The following SRGAP1 variants were observed in gnomAD, a reference collection of about 807,000 sequenced individuals.
The protein encoded by SRGAP1 is SLIT-ROBO Rho GTPase activating protein 1.
SRGAP1 carries 43 observed loss-of-function variants against 121.9 expected under a neutral mutation model. That is an observed-to-expected ratio of 0.35 (90% CI 0.28 to 0.46). The LOEUF is 0.46. SRGAP1 is among the 20% of genes least tolerant of loss of function. The probability of loss-of-function intolerance (pLI) is 1.00; values close to 1 mark genes in which losing one functional copy is unlikely to be tolerated. For synonymous variants in SRGAP1, 447 were observed against 485.4 expected, an observed-to-expected ratio of 0.92 and a Z score of 1.04; for missense variants, 1,102 against 1,350.9, an observed-to-expected ratio of 0.82 and a Z score of 2.89.
intron 1 of SRGAP1, among the ~76,000 whole-genome samples, chr12:63,958,672 C>T (rs1362422484): frequency 6.6e-6 from 1 of 152,150 alleles, no homozygotes; most frequent in Non-Finnish European, 1.5e-5. Flanking sequence ...TGTGTTACTT[C>T]AGGCAAACTC....
intron 2 of SRGAP1, among the ~76,000 whole-genome samples, chr12:63,984,495 A>T (rs758280894): frequency 6.6e-6 from 1 of 152,176 alleles, no homozygotes; most frequent in South Asian, 2.1e-4. Flanking sequence ...AAAGACCTCA[A>T]ATTTTCTCTA....
chr12:63,984,686 G>A (rs1318552688), intron 2 of SRGAP1, among the ~76,000 whole-genome samples: 1 of 152,128 alleles, frequency 6.6e-6, no homozygotes, highest in Non-Finnish European at 1.5e-5. Flanking sequence ...ACACACATAA[G>A]ATGTTCTGCT....
intron 15 of SRGAP1, among the ~76,000 whole-genome samples, chr12:64,107,711 A>G (rs2036366832): frequency 6.6e-6 from 1 of 152,178 alleles, no homozygotes; most frequent in South Asian, 2.1e-4. Context: ...TGGACTGAGA[A>G]TTTTCAAGTA....
intron 4 of SRGAP1, among the ~76,000 whole-genome samples, chr12:64,033,750 G>A (rs529664200): frequency 6.6e-6 from 1 of 152,146 alleles, no homozygotes; most frequent in African/African-American, 2.4e-5. Flanking sequence ...GACTGGGTGC[G>A]ATGGCTCACG....
intron 1 of SRGAP1, among the ~76,000 whole-genome samples, chr12:63,877,532 A>C (rs1900067133): frequency 6.6e-6 from 1 of 152,258 alleles, no homozygotes; most frequent in Non-Finnish European, 1.5e-5. Context: ...GACTCATTCA[A>C]GCAAATAAAG....
chr12:63,938,862 A>G (rs552949805), intron 1 of SRGAP1, among the ~76,000 whole-genome samples: 2 of 151,720 alleles, frequency 1.3e-5, no homozygotes, highest in African/African-American at 2.4e-5. Flanking sequence ...CTTTTTTGAT[A>G]TGAAAATCTG....
rs2034514784 is a variant in SRGAP1 at position 64,020,458 on chromosome 12, C to T, written c.489+3446C>T. 2.0e-5 allele frequency among the ~76,000 whole-genome samples: 3 copies of T among 151,386 alleles called. No homozygotes were observed. The South Asian group carries it at 6.3e-4, about 32-fold the overall frequency. On this transcript the variant is annotated intron_variant, in intron 4 of 21. Transcript: ENST00000355086. Reference sequence around the variant, plus strand: ...TTTTGCCCAATCTTGCCTTTATTTGCTGGGAAAAAAAAAGAAAAAGGCCTC... The same window carrying T: ...TTTTGCCCAATCTTGCCTTTATTTGTTGGGAAAAAAAAAGAAAAAGGCCTC...
intron 4 of SRGAP1, chr12:64,039,090 A>G (rs748891224): frequency 3.9e-5 from 6 of 152,242 alleles, no homozygotes; most frequent in Non-Finnish European, 8.8e-5. Context: ...TTGTACTTGC[A>G]TTCATTATCT....
In SRGAP1 at chr12:64,128,001, G is replaced by A. The variant is rs746735391; in HGVS notation, c.2681G>A (p.Arg894Gln). The change falls in exon 21 of 22, where the codon CGG (arginine) becomes CAG (glutamine). Residue 894 changes from arginine (R) to glutamine (Q), a missense_variant. Coordinates refer to ENST00000355086, the MANE Select transcript of SRGAP1 (RefSeq NM_020762.4). Reference protein sequence around the residue: ...LGSPSLASHPRGLLQNRGLNN... With the variant: ...LGSPSLASHPQGLLQNRGLNN... ...TCCCCAAGCCTTGCCAGTCACCCCC[G>A]GGGCCTGCTGCAGAACCGTGGCCTC... 6.2e-6 allele frequency: 10 copies of A among 1,614,108 alleles called. No individual in the cohort carries two copies. Among genetic ancestry groups the A allele is most frequent in the African/African-American group, 1.3e-5 (1 of 75,026 alleles).
chr12:64,083,114 G>A (rs2035876841), intron 10 of SRGAP1, among the ~76,000 whole-genome samples: 1 of 152,190 alleles, frequency 6.6e-6, no homozygotes, highest in Non-Finnish European at 1.5e-5. Flanking sequence ...CTACATCAAA[G>A]GAGACCAGGA....
intron 10 of SRGAP1, among the ~76,000 whole-genome samples, chr12:64,082,455 T>TC (rs2035865126): frequency 6.6e-6 from 1 of 151,260 alleles, no homozygotes; most frequent in African/African-American, 2.4e-5. Context: ...GAATTTTCTT[T>TC]TTTTTTTTTT....
chr12:63,965,665 A>C (rs991647750), intron 1 of SRGAP1, among the ~76,000 whole-genome samples: 1 of 152,172 alleles, frequency 6.6e-6, no homozygotes, highest in Non-Finnish European at 1.5e-5. Context: ...TCATCTCTGC[A>C]AAAAATAAAT....
rs113410170 is a variant in SRGAP1 at position 63,968,494 on chromosome 12, G to C, written c.68-15453G>C. On this transcript the variant is annotated intron_variant, in intron 1 of 21. Coordinates refer to ENST00000355086, the MANE Select transcript of SRGAP1 (RefSeq NM_020762.4). The stretch of plus-strand genomic sequence containing the variant: ...AGCATGTGCCCCCCATGTAACCATG[G>C]TCATTACCGTCTCTTGTTACTTTAC... Among the ~76,000 whole-genome samples, 947 of 152,234 alleles carry C rather than the reference G, an allele frequency of 6.2e-3. 8 individuals carry two copies. The highest frequency in any genetic ancestry group is 0.022 in the African/African-American group (900 of 41,514).
intron 1 of SRGAP1, among the ~76,000 whole-genome samples, chr12:63,973,430 G>A (rs1166386742): frequency 6.6e-6 from 1 of 152,066 alleles, no homozygotes; most frequent in Admixed American, 6.5e-5. Flanking sequence ...ATCATACTTT[G>A]AACAAAATAC....
At chr12:64,008,020 C>G (rs2034138323) in intron 3 of SRGAP1, among the ~76,000 whole-genome samples, 1 of 152,154 alleles carries the variant, frequency 6.6e-6, no homozygotes, top group South Asian at 2.1e-4. Flanking sequence ...ATAATAGCAT[C>G]ATAATGACAA....
intron 6 of SRGAP1, among the ~76,000 whole-genome samples, chr12:64,048,794 A>T (rs905024343): frequency 6.6e-6 from 1 of 152,096 alleles, no homozygotes; most frequent in Non-Finnish European, 1.5e-5. Context: ...TGCCATTTGT[A>T]TGTCATCTTT....
At chr12:63,891,607 A>G (rs1391841042) in intron 1 of SRGAP1, among the ~76,000 whole-genome samples, 1 of 152,168 alleles carries the variant, frequency 6.6e-6, no homozygotes, top group Non-Finnish European at 1.5e-5. Context: ...GCTGATGGAA[A>G]CTATTGATGG....
intron 1 of SRGAP1, among the ~76,000 whole-genome samples, chr12:63,919,139 G>A (rs948834522): frequency 3.3e-5 from 5 of 152,014 alleles, no homozygotes; most frequent in African/African-American, 4.8e-5. Flanking sequence ...TGCAACCTCC[G>A]CCTCACGGAT....
intron 1 of SRGAP1, among the ~76,000 whole-genome samples, chr12:63,906,694 G>C (rs190561368): frequency 3.0e-4 from 46 of 152,214 alleles, no homozygotes; most frequent in African/African-American, 1.1e-3. Flanking sequence ...GTTAACAATT[G>C]TTACCAAGTA....
Sources: gnomAD v4.1 joint callset for allele counts (sites outside exome capture counted in the v4.1 genomes callset) on GRCh38, gnomAD v4.1.1 for gene constraint, MANE v1.5 for transcripts, NCBI Gene and HGNC (gene_info 2026-07-23, HGNC 2026-07-21) for gene names.